PKNOX2: variants seen among roughly 807,000 people sequenced by gnomAD.
The protein encoded by PKNOX2 is PBX/knotted 1 homeobox 2.
In PKNOX2, 14 loss-of-function variants were observed where a neutral mutation model predicts 53.1. That is an observed-to-expected ratio of 0.26 (90% CI 0.17 to 0.41). The LOEUF (loss-of-function observed/expected upper bound fraction) is 0.41, where lower values mean the gene tolerates loss of function less well. PKNOX2 is among the 10% of genes least tolerant of loss of function. PKNOX2 has a pLI of 1.00. For missense variants in PKNOX2, 496 were observed against 602.8 expected, an observed-to-expected ratio of 0.82 and a Z score of 1.85; for synonymous variants, 257 against 242.8, an observed-to-expected ratio of 1.06 and a Z score of -0.54.
chr11:125,272,306 C>T (rs988928572), intron 2 of PKNOX2, among the ~76,000 whole-genome samples: 1 of 152,102 alleles, frequency 6.6e-6, no homozygotes, highest in Admixed American at 6.5e-5. Flanking sequence ...GTCTGGCTCT[C>T]GATGAATCAT....
At chr11:125,184,560 G>A (rs1187507157) in intron 1 of PKNOX2, among the ~76,000 whole-genome samples, 2 of 152,184 alleles carry the variant, frequency 1.3e-5, no homozygotes, top group Non-Finnish European at 2.9e-5. Context: ...ACTGTGTGGT[G>A]GGGCATTGAG....
intron 1 of PKNOX2, among the ~76,000 whole-genome samples, chr11:125,168,363 C>G (rs551237912): frequency 6.6e-6 from 1 of 152,342 alleles, no homozygotes; most frequent in South Asian, 2.1e-4. Flanking sequence ...GTTAGTTGTT[C>G]AAAGCTCAAA....
chr11:125,301,750 T>C (rs561184984), intron 2 of PKNOX2, among the ~76,000 whole-genome samples: 3 of 152,140 alleles, frequency 2.0e-5, no homozygotes, highest in Non-Finnish European at 4.4e-5. Flanking sequence ...AGGCAGGTGG[T>C]GCCAGGCCAG....
intron 2 of PKNOX2, chr11:125,258,896 T>G: frequency 2.6e-6 from 1 of 389,708 alleles, no homozygotes; most frequent in South Asian, 1.8e-5. Flanking sequence ...GAGCTCCTGC[T>G]GCAGCCTCAG....
intron 1 of PKNOX2, among the ~76,000 whole-genome samples, chr11:125,222,727 A>C (rs12797273): frequency 1.6e-5 from 2 of 121,850 alleles, no homozygotes; most frequent in African/African-American, 6.6e-5. Context: ...GTGTGTGTGT[A>C]TGTGTGTGTG....
intron 1 of PKNOX2, among the ~76,000 whole-genome samples, chr11:125,204,041 T>G (rs1350140714): frequency 6.6e-6 from 1 of 152,006 alleles, no homozygotes; most frequent in Non-Finnish European, 1.5e-5. Flanking sequence ...CAGAGACGTG[T>G]GGAGAGGGGG....
intron 3 of PKNOX2, among the ~76,000 whole-genome samples, chr11:125,342,951 C>T (rs1277296791): frequency 6.6e-6 from 1 of 152,192 alleles, no homozygotes; most frequent in Non-Finnish European, 1.5e-5. Flanking sequence ...CTCCCCACCT[C>T]TCCCACTCTT....
At chr11:125,349,983 C>T (rs1004784599) in intron 3 of PKNOX2, among the ~76,000 whole-genome samples, 1 of 152,084 alleles carries the variant, frequency 6.6e-6, no homozygotes, top group African/African-American at 2.4e-5. Flanking sequence ...AAGGGCCAGG[C>T]TGGAAGAGGA....
chr11:125,406,380 G>C (rs1361592778), intron 7 of PKNOX2, among the ~76,000 whole-genome samples: 1 of 152,164 alleles, frequency 6.6e-6, no homozygotes, highest in Admixed American at 6.5e-5. Context: ...CAGACAGGGA[G>C]ACATGTAGCC....
At chr11:125,179,879 C>G (rs561932152) in intron 1 of PKNOX2, among the ~76,000 whole-genome samples, 2 of 152,084 alleles carry the variant, frequency 1.3e-5, no homozygotes, top group Non-Finnish European at 2.9e-5. Context: ...GGTATTTTGC[C>G]CTCAGCATAT....
At chr11:125,169,716 A>G (rs1368193104) in intron 1 of PKNOX2, among the ~76,000 whole-genome samples, 1 of 152,208 alleles carries the variant, frequency 6.6e-6, no homozygotes, top group Non-Finnish European at 1.5e-5. Flanking sequence ...TGGGAGATAG[A>G]GGCTTCTCAG....
intron 2 of PKNOX2, among the ~76,000 whole-genome samples, chr11:125,318,798 T>C (rs1443367237): frequency 1.3e-5 from 2 of 152,202 alleles, no homozygotes; most frequent in Non-Finnish European, 2.9e-5. Context: ...GATTAGATCA[T>C]GAGTGAGTTT....
intron 6 of PKNOX2, among the ~76,000 whole-genome samples, chr11:125,394,309 C>A (rs1190526702): frequency 1.3e-5 from 2 of 152,224 alleles, no homozygotes; most frequent in East Asian, 3.8e-4. Context: ...TCTAAAGTCA[C>A]AATTTTCCTC....
intron 1 of PKNOX2, among the ~76,000 whole-genome samples, chr11:125,228,640 G>C (rs1017089874): frequency 6.6e-6 from 1 of 152,190 alleles, no homozygotes; most frequent in African/African-American, 2.4e-5. Context: ...GTGAGCCGGA[G>C]TGGTATGTGG....
chr11:125,386,430 T>A (rs1331133971), intron 6 of PKNOX2, among the ~76,000 whole-genome samples: 1 of 152,164 alleles, frequency 6.6e-6, no homozygotes, highest in African/African-American at 2.4e-5. Context: ...ACATCTGAAT[T>A]CTCATCTAGT....
At chr11:125,216,951 G>A (rs1940579132) in intron 1 of PKNOX2, among the ~76,000 whole-genome samples, 1 of 152,072 alleles carries the variant, frequency 6.6e-6, no homozygotes, top group Non-Finnish European at 1.5e-5. Context: ...GCCAGGATGT[G>A]CATGTGCGTG....
rs953555459 is a variant in PKNOX2 at position 125,370,005 on chromosome 11, G to T, written c.227+2020G>T. On this transcript the variant is annotated intron_variant, in intron 5 of 12. Coordinates refer to ENST00000298282, the MANE Select transcript of PKNOX2 (RefSeq NM_001382323.2). This position sits in a 1 kb window ranked among gnomAD's most constrained non-coding sequence, Gnocchi z 4.1. ...ATCTGCATTTTCACAAGATCCCAGGGGATTCCTATGCATACTGAAGACTCA... is the reference window on the plus strand; with the variant it reads ...ATCTGCATTTTCACAAGATCCCAGGTGATTCCTATGCATACTGAAGACTCA... Among the ~76,000 whole-genome samples the T allele has an allele frequency of 1.4e-4, 22 of 152,108 alleles. No homozygotes were observed. The highest frequency in any genetic ancestry group is 5.3e-4 in the African/African-American group (22 of 41,400).
intron 1 of PKNOX2, among the ~76,000 whole-genome samples, chr11:125,226,965 C>G (rs1941750389): frequency 6.6e-6 from 1 of 151,994 alleles, no homozygotes; most frequent in African/African-American, 2.4e-5. Flanking sequence ...TCTGTCAGGC[C>G]TTGGCTCCCT....
At chr11:125,294,305 C>A (rs1364653297) in intron 2 of PKNOX2, among the ~76,000 whole-genome samples, 2 of 152,124 alleles carry the variant, frequency 1.3e-5, no homozygotes, top group East Asian at 1.9e-4. Flanking sequence ...GAGGTAAGCC[C>A]CCCCATCTTA....
Sources: allele counts gnomAD v4.1 joint callset (sites outside exome capture counted in the v4.1 genomes callset), GRCh38; gene constraint gnomAD v4.1.1; non-coding constraint Gnocchi (gnomAD v3.1); transcripts MANE v1.5; gene names NCBI Gene and HGNC (gene_info 2026-07-23, HGNC 2026-07-21).